PPP1R42: variants seen among roughly 807,000 people sequenced by gnomAD.
PPP1R42 encodes leucine rich repeat containing 67.
Under a neutral mutation model 31.0 loss-of-function variants are expected in PPP1R42, and 34 were observed. That is an observed-to-expected ratio of 1.10 (90% CI 0.83 to 1.46). The LOEUF (loss-of-function observed/expected upper bound fraction) is 1.46, where lower values mean the gene tolerates loss of function less well. Among genes scored for constraint, PPP1R42 ranks in the 40% most tolerant of loss-of-function variants. The pLI is 0.00. For synonymous variants in PPP1R42, 103 were observed against 109.8 expected, an observed-to-expected ratio of 0.94 and a Z score of 0.39; for missense variants, 268 against 303.0, an observed-to-expected ratio of 0.88 and a Z score of 0.86.
rs553188590 is a variant in PPP1R42, at chr8:66,985,595, G to A, written c.670+2805C>T. 99 of 1,371,534 alleles carry A rather than the reference G, an allele frequency of 7.2e-5. No homozygotes were observed. The East Asian group carries it at 1.8e-3, about 25-fold the overall frequency. The allele number at this position is 1,371,534 out of a possible 1,614,324, so 85.0% of individuals were successfully genotyped here. ...TTCAGTGCCAGCCCGGCTTGGATTCGAGCTTGTAGTTCAGCTGTTTTCCTT... is the reference window on the plus strand; with the variant it reads ...TTCAGTGCCAGCCCGGCTTGGATTCAAGCTTGTAGTTCAGCTGTTTTCCTT... On this transcript the variant is annotated intron_variant, in intron 6 of 7. Coordinates refer to ENST00000685739, the MANE Select transcript of PPP1R42 (RefSeq NM_001364910.1).
intron 7 of PPP1R42, among the ~76,000 whole-genome samples, chr8:66,979,368 AC>A (rs1814765273): frequency 6.6e-6 from 1 of 152,192 alleles, no homozygotes. Context: ...CCTCATCTCT[AC>A]AAAAAATATT....
chr8:66,967,374 T>C (rs1444258615), intron 7 of PPP1R42, among the ~76,000 whole-genome samples: 1 of 152,212 alleles, frequency 6.6e-6, no homozygotes, highest in African/African-American at 2.4e-5. Flanking sequence ...AATCCAAATA[T>C]TAGCATTATA....
At chr8:67,015,105 G>A (rs1403192515) in intron 2 of PPP1R42, among the ~76,000 whole-genome samples, 2 of 151,920 alleles carry the variant, frequency 1.3e-5, no homozygotes, top group East Asian at 1.9e-4. Flanking sequence ...CATAACCTCC[G>A]CCTCCTGGGT....
At chr8:66,977,162 A>G (rs1239869290) in intron 7 of PPP1R42, among the ~76,000 whole-genome samples, 1 of 151,208 alleles carries the variant, frequency 6.6e-6, no homozygotes, top group Admixed American at 6.6e-5. Flanking sequence ...CCTCCCGAAT[A>G]GCTGGGATTA....
At chr8:67,003,638 C>A (rs1307490648) in intron 5 of PPP1R42, among the ~76,000 whole-genome samples, 3 of 152,132 alleles carry the variant, frequency 2.0e-5, no homozygotes, top group Non-Finnish European at 4.4e-5. Flanking sequence ...ATTAGATTAT[C>A]TTAAGCTATA....
intron 5 of PPP1R42, among the ~76,000 whole-genome samples, chr8:67,001,217 C>CATTGG (rs1475738040): frequency 6.8e-6 from 1 of 147,606 alleles, no homozygotes; most frequent in Admixed American, 6.7e-5. Flanking sequence ...TAGAGAGTAC[C>CATTGG]ATTGGATTTT....
chr8:67,021,191 T>G (rs1177405074), intron 1 of PPP1R42: 2 of 152,180 alleles, frequency 1.3e-5, no homozygotes, highest in Non-Finnish European at 2.9e-5. Context: ...ATGAAATCAG[T>G]GCTTAGAAGG....
chr8:67,018,827 T>TCCCC (rs1816109490), intron 1 of PPP1R42, among the ~76,000 whole-genome samples: 3 of 6,576 alleles, frequency 4.6e-4, no homozygotes, highest in Admixed American at 5.3e-3. Context: ...CCCCCCCCCT[T>TCCCC]TTTTTTTTTT....
At chr8:66,986,205 G>T (rs1815008410) in intron 6 of PPP1R42, 1 of 571,754 alleles carries the variant, frequency 1.7e-6, no homozygotes, top group Admixed American at 2.3e-5. Flanking sequence ...CTCCCAAATT[G>T]CTGGGATTAC....
chr8:67,018,818 C>G (rs1158453074), intron 1 of PPP1R42, among the ~76,000 whole-genome samples: 1 of 40,164 alleles, frequency 2.5e-5, no homozygotes, highest in Non-Finnish European at 6.2e-5. Flanking sequence ...GCCCCCGCCC[C>G]CCCCCCCTTT....
Position 67,017,768 on chromosome 8 carries a change from T to C in PPP1R42, c.-21A>G. On this transcript the variant is annotated 5_prime_UTR_variant, in exon 2 of 8. Transcript: ENST00000685739. ...ACCATAATTTCTTTATAAATCAAAC[T>C]CTCAGCAAAAGCTCTGTTTTGACAC... The C allele has an allele frequency of 6.4e-7, 1 of 1,561,628 alleles. No individual in the cohort carries two copies. The highest frequency in any genetic ancestry group is 1.3e-5 in the South Asian group (1 of 78,140).
intron 5 of PPP1R42, among the ~76,000 whole-genome samples, chr8:67,009,137 G>A (rs186443406): frequency 6.6e-6 from 1 of 152,266 alleles, no homozygotes; most frequent in East Asian, 1.9e-4. Context: ...AGGCATGGTG[G>A]TGCACATCTG....
intron 1 of PPP1R42, among the ~76,000 whole-genome samples, chr8:67,025,866 G>C (rs190005017): frequency 2.5e-3 from 376 of 151,770 alleles, no homozygotes; most frequent in Non-Finnish European, 3.6e-3. Context: ...TTAGCTGGGC[G>C]TGGTGGCACA....
At chr8:66,975,979 A>G (rs1477853751) in intron 7 of PPP1R42, among the ~76,000 whole-genome samples, 1 of 152,190 alleles carries the variant, frequency 6.6e-6, no homozygotes, top group Non-Finnish European at 1.5e-5. Flanking sequence ...TCTGTGGCCT[A>G]TTAGAAACTG....
At position 66,964,370 on chromosome 8, in the gene PPP1R42, T is replaced by A. The variant is rs955896699; in HGVS notation, c.803-36A>T. On this transcript the variant is annotated intron_variant, in intron 7 of 7. Transcript: ENST00000685739. ...AGAGAGGGAAAAAAAAGCATTAAAT[T>A]AAAAAAATGAAAGTATCCCTAAAAG... The A allele has an allele frequency of 1.5e-5, 17 of 1,165,276 alleles. 1 individual carries two copies. In the Admixed American group the frequency reaches 3.6e-4, roughly 25 times the overall value. 72.2% of individuals were successfully genotyped at this position (1,165,276 alleles called of 1,614,324 possible).
At chr8:66,989,095 G>A (rs7005014) in intron 5 of PPP1R42, among the ~76,000 whole-genome samples, 5,303 of 152,128 alleles carry the variant, frequency 0.035, 188 homozygotes, top group African/African-American at 0.079. Context: ...TGAGCATAGG[G>A]ACTTTCGGGA....
chr8:67,020,183 G>T (rs111381071), intron 1 of PPP1R42, among the ~76,000 whole-genome samples: 1 of 149,636 alleles, frequency 6.7e-6, no homozygotes, highest in Non-Finnish European at 1.5e-5. Context: ...GTTTTTTGTT[G>T]TGTTTTGTTT....
intron 7 of PPP1R42, 154 bp downstream of exon 7, chr8:66,981,895 A>C: frequency 1.4e-6 from 1 of 716,766 alleles, no homozygotes; most frequent in East Asian, 3.4e-5. Flanking sequence ...AATTGTACTT[A>C]TGTACAACTA....
chr8:66,983,237 A>G (rs1161240357), intron 6 of PPP1R42, among the ~76,000 whole-genome samples: 2 of 152,076 alleles, frequency 1.3e-5, no homozygotes, highest in East Asian at 1.9e-4. Flanking sequence ...GGAATCCTCT[A>G]TATTAGTTTT....
Sources: gnomAD v4.1 joint callset for allele counts (sites outside exome capture counted in the v4.1 genomes callset) on GRCh38, gnomAD v4.1.1 for gene constraint, MANE v1.5 for transcripts, NCBI Gene and HGNC (gene_info 2026-07-23, HGNC 2026-07-21) for gene names.